IGSF10: variants seen among roughly 807,000 people sequenced by gnomAD.
IGSF10 encodes immunoglobulin superfamily member 10.
Under a neutral mutation model 128.2 loss-of-function variants are expected in IGSF10, and 126 were observed. The observed-to-expected ratio is 0.98, with a 90% CI of 0.85 to 1.14. The LOEUF (loss-of-function observed/expected upper bound fraction) is 1.14, where lower values mean the gene tolerates loss of function less well. Among genes scored for constraint, IGSF10 ranks in the 50% most tolerant of loss-of-function variants. IGSF10 has a pLI of 0.00. For missense variants in IGSF10, 3,295 were observed against 3,149.8 expected (o/e 1.05, Z -1.10); for synonymous variants, 1,185 against 1,146.2 (o/e 1.03, Z -0.68).
chr3:151,558,027 A>ATTATATATATATTATATATATATATAT, the IGSF10 span, among the ~76,000 whole-genome samples: 22 of 52,922 alleles, frequency 4.2e-4, no homozygotes, highest in Admixed American at 5.6e-4. Context: ...TAATATATAT[A>ATTATATATATATTATATATATATATAT]TTGGTACAAT....
the IGSF10 span, among the ~76,000 whole-genome samples, chr3:151,582,291 C>T: frequency 1.1e-4 from 2 of 17,860 alleles, no homozygotes; most frequent in Non-Finnish European, 2.1e-4. Flanking sequence ...TTAAAAATAT[C>T]CGGGGGGGGG....
the IGSF10 span, among the ~76,000 whole-genome samples, chr3:151,601,780 G>A: frequency 1.3e-5 from 2 of 152,190 alleles, no homozygotes; most frequent in South Asian, 4.1e-4. Flanking sequence ...CCAGGAACAT[G>A]AGGGCATTAA....
the IGSF10 span, among the ~76,000 whole-genome samples, chr3:151,538,900 A>G: frequency 6.6e-6 from 1 of 152,238 alleles, no homozygotes; most frequent in East Asian, 1.9e-4. Context: ...CAAAACATGC[A>G]TTGTGAGAAC....
chr3:151,607,693 C>T, the IGSF10 span, among the ~76,000 whole-genome samples: 2 of 151,864 alleles, frequency 1.3e-5, no homozygotes, highest in Non-Finnish European at 2.9e-5. Flanking sequence ...GGGCGGATCA[C>T]GAGGTCAGGA....
At chr3:151,465,197 G>A (rs62284465), upstream of IGSF10, among the ~76,000 whole-genome samples, 3,808 of 152,314 alleles carry the variant, frequency 0.025, 125 homozygotes, top group East Asian at 0.12. Flanking sequence ...GAATAAAAGA[G>A]AGGATGGATG....
the IGSF10 span, among the ~76,000 whole-genome samples, chr3:151,485,178 G>A: frequency 6.6e-6 from 1 of 151,928 alleles, no homozygotes; most frequent in Non-Finnish European, 1.5e-5. Context: ...TAGCCAAATC[G>A]ATCAAGTGGA....
the IGSF10 span, among the ~76,000 whole-genome samples, chr3:151,481,674 T>C: frequency 0.81 from 122,836 of 152,000 alleles, 49,707 homozygotes; most frequent in Middle Eastern, 0.92. Context: ...TGTAAGACCT[T>C]AAGTCCACAA....
At chr3:151,617,320 C>CTTCTTCTTCT in the IGSF10 span, among the ~76,000 whole-genome samples, 8,490 of 83,552 alleles carry the variant, frequency 0.1, 1,289 homozygotes, top group East Asian at 0.12. Flanking sequence ...CTTCTTCTTC[C>CTTCTTCTTCT]CCTCCTCCTC....
the IGSF10 span, among the ~76,000 whole-genome samples, chr3:151,571,945 G>A: frequency 6.6e-6 from 1 of 152,134 alleles, no homozygotes; most frequent in Non-Finnish European, 1.5e-5. Flanking sequence ...TGTTGAATTT[G>A]TCGAAGGCCT....
chr3:151,579,091 C>T, the IGSF10 span, among the ~76,000 whole-genome samples: 1 of 152,182 alleles, frequency 6.6e-6, no homozygotes, highest in Non-Finnish European at 1.5e-5. Context: ...ACATTAAAAA[C>T]ATTCTCCGAA....
the IGSF10 span, among the ~76,000 whole-genome samples, chr3:151,485,270 T>C: frequency 1.3e-5 from 2 of 151,606 alleles, no homozygotes; most frequent in African/African-American, 2.4e-5. Context: ...TGAAAAGAAA[T>C]GAACAAAGCC....
Position 151,448,734 on chromosome 3 carries a change from G to T in IGSF10, c.1247C>A (p.Thr416Asn). 6.2e-7 allele frequency: 1 copy of T among 1,613,676 alleles called. No individual in the cohort carries two copies. The highest frequency in any genetic ancestry group is 1.1e-5 in the South Asian group (1 of 91,078). The change falls in exon 6 of 8, where the codon ACC becomes AAC. Residue 416 changes from threonine (T) to asparagine (N), a missense_variant. Physicochemically the swap from Thr to Asn is moderately conservative, Grantham distance 65. Coordinates refer to ENST00000282466, the MANE Select transcript of IGSF10 (RefSeq NM_178822.5). ...TGCTCTGAGATCTGCCTCTATGTTGGTAAAAATGTCTTCAGGCTTAGGAGC... is the reference window on the plus strand; with the variant it reads ...TGCTCTGAGATCTGCCTCTATGTTGTTAAAAATGTCTTCAGGCTTAGGAGC... ...QVAPKPEDIF[T>N]NIEADLRADP... is the part of the protein sequence containing the mutation.
At chr3:151,466,879 C>T in the IGSF10 span, among the ~76,000 whole-genome samples, 1 of 152,094 alleles carries the variant, frequency 6.6e-6, no homozygotes, top group Non-Finnish European at 1.5e-5. Flanking sequence ...ATGCCTGGCT[C>T]AACGTGTGCA....
chr3:151,527,278 C>CT, the IGSF10 span, among the ~76,000 whole-genome samples: 60 of 152,026 alleles, frequency 3.9e-4, no homozygotes, highest in African/African-American at 1.1e-3. Flanking sequence ...TGGATTCACT[C>CT]TTTTTTTTGG....
At chr3:151,501,031 G>T in the IGSF10 span, among the ~76,000 whole-genome samples, 2 of 151,870 alleles carry the variant, frequency 1.3e-5, no homozygotes, top group Admixed American at 1.3e-4. Flanking sequence ...CATGAAGAGG[G>T]ACAACTCAAA....
the IGSF10 span, among the ~76,000 whole-genome samples, chr3:151,537,083 A>C: frequency 6.6e-6 from 1 of 152,202 alleles, no homozygotes; most frequent in African/African-American, 2.4e-5. Context: ...GCAAGGATTT[A>C]ATATGGGGGG....
the IGSF10 span, among the ~76,000 whole-genome samples, chr3:151,558,829 C>T: frequency 6.6e-6 from 1 of 152,072 alleles, no homozygotes. Flanking sequence ...ATTTTTGAGC[C>T]AGAATGAGTC....
At chr3:151,555,328 A>G in the IGSF10 span, among the ~76,000 whole-genome samples, 1 of 152,070 alleles carries the variant, frequency 6.6e-6, no homozygotes, top group Non-Finnish European at 1.5e-5. Flanking sequence ...GACAGACAAA[A>G]CACTGGCCAC....
chr3:151,587,424 T>C, the IGSF10 span, among the ~76,000 whole-genome samples: 1 of 152,172 alleles, frequency 6.6e-6, no homozygotes, highest in Non-Finnish European at 1.5e-5. Context: ...AGAACTAAGG[T>C]GATGTTTTGA....
Sources: gnomAD v4.1 joint callset for allele counts (sites outside exome capture counted in the v4.1 genomes callset) on GRCh38, gnomAD v4.1.1 for gene constraint, MANE v1.5 for transcripts, NCBI Gene and HGNC (gene_info 2026-07-23, HGNC 2026-07-21) for gene names.